ACSM2A: variants seen among roughly 807,000 people sequenced by gnomAD.
The protein encoded by ACSM2A is acyl-CoA synthetase medium chain family member 2A.
Under a neutral mutation model 76.6 loss-of-function variants are expected in ACSM2A, and 72 were observed. The observed-to-expected ratio is 0.94, with a 90% confidence interval of 0.78 to 1.14. The LOEUF (loss-of-function observed/expected upper bound fraction) is 1.14. ACSM2A is among the 50% of genes most tolerant of loss of function. The pLI, the probability that ACSM2A is intolerant of heterozygous loss-of-function variation, is 0.00. For missense variants in ACSM2A, 684 were observed against 708.5 expected, an observed-to-expected ratio of 0.97 and a Z score of 0.39; for synonymous variants, 249 against 255.9, an observed-to-expected ratio of 0.97 and a Z score of 0.26.
intron 1 of ACSM2A, chr16:20,452,487 C>CTGTATATATATATACAGTTG (rs1280985136): frequency 7.6e-6 from 1 of 130,798 alleles, no homozygotes; most frequent in Admixed American, 7.4e-5. Context: ...ACTGAATAAA[C>CTGTATATATATATACAGTTG]TGTATATATA....
chr16:20,463,077 G>T (rs1190336260), intron 2 of ACSM2A, among the ~76,000 whole-genome samples: 2 of 109,556 alleles, frequency 1.8e-5, no homozygotes, highest in East Asian at 6.6e-4. Context: ...CACTGGGCCT[G>T]TTATGGGGTG....
chr16:20,471,736 G>T (rs774206706), intron 6 of ACSM2A, 47 bp downstream of exon 6: 6 of 1,574,888 alleles, frequency 3.8e-6, no homozygotes, highest in Non-Finnish European at 4.3e-6. Flanking sequence ...TGAGCCCGAG[G>T]TTTGCACACT....
At chr16:20,458,600 A>C (rs1001452039) in intron 1 of ACSM2A, among the ~76,000 whole-genome samples, 1 of 142,836 alleles carries the variant, frequency 7.0e-6, no homozygotes, top group South Asian at 2.1e-4. Flanking sequence ...TATATTTTTT[A>C]TATATATATA....
chr16:20,466,711 C>T (rs36052481), intron 3 of ACSM2A, among the ~76,000 whole-genome samples: 526 of 152,298 alleles, frequency 3.5e-3, no homozygotes, highest in Non-Finnish European at 6.3e-3. Context: ...GAGTTAGTTT[C>T]TTGGTATCAG....
chr16:20,456,939 CA>C (rs1211747860), intron 1 of ACSM2A, among the ~76,000 whole-genome samples: 1 of 149,632 alleles, frequency 6.7e-6, no homozygotes, highest in African/African-American at 2.4e-5. Flanking sequence ...AAAGAAAATC[CA>C]AATAAGCTCA....
At chr16:20,480,503 T>C in intron 10 of ACSM2A, 70 bp from the exon 11 acceptor site, 2 of 1,547,052 alleles carry the variant, frequency 1.3e-6, no homozygotes, top group Non-Finnish European at 1.7e-6. Context: ...TAGCATTTGT[T>C]CATGGCAGCC....
In ACSM2A at chr16:20,477,289, T is replaced by C. The variant is rs368209963; in HGVS notation, c.1099-80T>C. 5.9e-4 allele frequency: 915 copies of C among 1,558,714 alleles called. 3 individuals carry two copies. The African/African-American group carries it at 6.0e-3, about 10-fold the overall frequency. On this transcript the variant is annotated intron_variant, in intron 8 of 13. Transcript: ENST00000573854. ...CCAAGTTCAGGACAGTGTCAGGACC[T>C]GCTCTGCAGAAATTTTTTCTTTTTC...
At chr16:20,486,423 A>G (rs2014385029) in intron 13 of ACSM2A, 151 bp from the exon 14 acceptor site, 2 of 765,528 alleles carry the variant, frequency 2.6e-6, no homozygotes, top group Admixed American at 2.4e-5. Context: ...TCCTCATCCC[A>G]GAGCACTTTC....
intron 13 of ACSM2A, among the ~76,000 whole-genome samples, 181 bp downstream of exon 13, chr16:20,483,358 T>A (rs2014203244): frequency 6.7e-6 from 1 of 150,266 alleles, no homozygotes. Context: ...TCACCTGAGG[T>A]CAGGAGTTCA....
chr16:20,480,606 G>A lies in ACSM2A; in HGVS notation c.1315G>A (p.Gly439Arg), dbSNP rs370665404. 31 of 1,613,686 alleles carry A rather than the reference G, an allele frequency of 1.9e-5. No homozygotes were observed. The highest frequency in any genetic ancestry group is 2.7e-5 in the African/African-American group (2 of 74,874). ...NPDKTAANIR[G>R]DFWLLGDRGI... ...CGACAAGACAGCAGCCAACATTCGA[G>A]GAGACTTTTGGCTCCTTGGAGACCG... The change falls in exon 11 of 14, where the codon GGA becomes AGA. Residue 439 changes from glycine to arginine, a missense_variant. By Grantham distance (125) the Gly-to-Arg change is moderately radical (BLOSUM62 -2). Coordinates refer to ENST00000573854, the MANE Select transcript of ACSM2A (RefSeq NM_001308172.2).
chr16:20,454,956 C>G (rs111275354), intron 1 of ACSM2A, among the ~76,000 whole-genome samples: 1 of 150,312 alleles, frequency 6.7e-6, no homozygotes, highest in Admixed American at 6.6e-5. Context: ...AGATAGCATA[C>G]ATAAAACAAT....
At chr16:20,475,826 T>A in intron 8 of ACSM2A, 53 bp downstream of exon 8, 1 of 1,601,048 alleles carries the variant, frequency 6.2e-7, no homozygotes, top group Non-Finnish European at 8.5e-7. Flanking sequence ...GGCTTCAAAA[T>A]TCTCTTTGAC....
intron 13 of ACSM2A, among the ~76,000 whole-genome samples, chr16:20,485,072 T>C (rs549552570): frequency 4.1e-4 from 63 of 152,252 alleles, no homozygotes; most frequent in Admixed American, 1.2e-3. Flanking sequence ...ATAATGCTGT[T>C]ACCCCTTCAC....
In ACSM2A at chr16:20,480,603, C is replaced by T. The variant is rs761163316; in HGVS notation, c.1312C>T (p.Arg438Ter). 4.6e-5 allele frequency: 74 copies of T among 1,613,652 alleles called. No individual in the cohort carries two copies. The highest frequency in any genetic ancestry group is 5.8e-5 in the Non-Finnish European group (68 of 1,179,810). Residue 438 changes from arginine (R) to a stop codon, truncating the protein, a stop_gained, in exon 11 of 14, where the codon CGA becomes TGA. Transcript: ENST00000573854. LOFTEE classifies it high-confidence loss of function. The part of the protein sequence containing the change: ...DNPDKTAANI[R>*]GDFWLLGDRG... ...TCCCGACAAGACAGCAGCCAACATT[C>T]GAGGAGACTTTTGGCTCCTTGGAGA...
chr16:20,460,008 G>T (rs1253103985), intron 1 of ACSM2A, 99 bp from the exon 2 acceptor site: 22 of 1,438,280 alleles, frequency 1.5e-5, no homozygotes, highest in Non-Finnish European at 1.9e-5. Flanking sequence ...TTCCTGGGAA[G>T]AATCCTATAA....
chr16:20,462,637 C>A lies in ACSM2A; in HGVS notation c.177+2346C>A, dbSNP rs150288878. Among the ~76,000 whole-genome samples the A allele has an allele frequency of 7.5e-3, 1,147 of 152,184 alleles. 16 individuals are homozygous for A. Among genetic ancestry groups the A allele is most frequent in the African/African-American group, 0.027 (1,112 of 41,512 alleles). ...CTCTCAAACTATGATCTGAGAACCC[C>A]TGAGGATACATGAGACTCTTTCAGG... On this transcript the variant is annotated intron_variant, in intron 2 of 13. Transcript: ENST00000573854.
At chr16:20,453,114 G>T (rs1309207220) in intron 1 of ACSM2A, 1 of 151,984 alleles carries the variant, frequency 6.6e-6, no homozygotes, top group African/African-American at 2.4e-5. Context: ...AACTGAAATT[G>T]TGGAAAAATA....
chr16:20,461,670 G>A (rs1241406867), intron 2 of ACSM2A, among the ~76,000 whole-genome samples: 1 of 152,070 alleles, frequency 6.6e-6, no homozygotes, highest in Admixed American at 6.6e-5. Context: ...TCACAAAAAA[G>A]TGAACTCAAA....
chr16:20,471,225 A>T lies in ACSM2A; in HGVS notation c.740+9A>T. On this transcript the variant is annotated intron_variant, in intron 5 of 13. Transcript: ENST00000573854. ...GCCAAGATGGATGCTGGGTAAGCTG[A>T]GCTCTTTCTCTCTACAGAGAATTAC... 6.2e-7 allele frequency: 1 copy of T among 1,607,174 alleles called. No individual in the cohort carries two copies.
Sources: gnomAD v4.1 joint callset for allele counts (sites outside exome capture counted in the v4.1 genomes callset) on GRCh38, gnomAD v4.1.1 for gene constraint, MANE v1.5 for transcripts, NCBI Gene and HGNC (gene_info 2026-07-23, HGNC 2026-07-21) for gene names.